The following HERC2 variants were observed in gnomAD, a reference collection of about 807,000 sequenced individuals.
HERC2 encodes E3 ubiquitin-protein ligase HERC2.
Under a neutral mutation model 537.7 loss-of-function variants are expected in HERC2, and 102 were observed. The observed-to-expected ratio is 0.19, with a 90% CI of 0.16 to 0.22. HERC2 has a LOEUF of 0.22. HERC2 is among the 10% of genes least tolerant of loss of function. The pLI, the probability that HERC2 is intolerant of heterozygous loss-of-function variation, is 1.00. For missense variants in HERC2, 4,236 were observed against 6,198.2 expected (o/e 0.68, Z 10.63); for synonymous variants, 2,224 against 2,466.2 (o/e 0.90, Z 2.91).
intron 86 of HERC2, chr15:28,117,676 C>T: frequency 2.5e-6 from 1 of 396,488 alleles, no homozygotes; most frequent in Admixed American, 2.7e-5. Context: ...CCAGGACCAG[C>T]CCTTCCCCAC....
Position 28,237,151 on chromosome 15 carries a change from G to C in HERC2, c.3853-38C>G, listed in dbSNP as rs750825441. 45 of 1,517,146 alleles carry C rather than the reference G, an allele frequency of 3.0e-5. No individual in the cohort carries two copies. In the African/African-American group the frequency reaches 5.9e-4, roughly 20 times the overall value. 94.0% of individuals were successfully genotyped at this position (1,517,146 alleles called of 1,614,324 possible). A position where few individuals can be genotyped will look rare whatever the true frequency, so the allele number is the denominator to read the frequency against. On this transcript the variant is annotated intron_variant, in intron 25 of 92. Transcript: ENST00000261609. ...ATTTCATCATCAATCTGAGGAAACAGAATTAATTAAAAACATAAAACCAAA... is the reference window on the plus strand; with the variant it reads ...ATTTCATCATCAATCTGAGGAAACACAATTAATTAAAAACATAAAACCAAA...
At chr15:28,318,185 A>G (rs1355601994) in intron 2 of HERC2, among the ~76,000 whole-genome samples, 1 of 152,158 alleles carries the variant, frequency 6.6e-6, no homozygotes, top group Non-Finnish European at 1.5e-5. Flanking sequence ...TTTGCTAAAA[A>G]ACTACCAATC....
intron 86 of HERC2, among the ~76,000 whole-genome samples, chr15:28,120,285 A>G (rs6497271): frequency 0.85 from 128,689 of 152,268 alleles, 58,036 homozygotes; most frequent in Non-Finnish European, 0.99. Flanking sequence ...CTGTCCAACA[A>G]AGGACAAGAG....
At chr15:28,247,385 C>T (rs1458931602) in intron 21 of HERC2, among the ~76,000 whole-genome samples, 1 of 148,904 alleles carries the variant, frequency 6.7e-6, no homozygotes, top group Non-Finnish European at 1.5e-5. Context: ...CACTTTTCTG[C>T]TCCATAAAAT....
chr15:28,198,934 G>A (rs1897624246), intron 48 of HERC2, among the ~76,000 whole-genome samples, 165 bp from the exon 49 acceptor site: 1 of 152,110 alleles, frequency 6.6e-6, no homozygotes, highest in Non-Finnish European at 1.5e-5. Flanking sequence ...GATCACTTGA[G>A]CTCAGGTGTT....
intron 56 of HERC2, among the ~76,000 whole-genome samples, chr15:28,184,006 G>A (rs886517812): frequency 1.3e-5 from 2 of 151,618 alleles, no homozygotes; most frequent in Non-Finnish European, 2.9e-5. Flanking sequence ...TGGGCAACAC[G>A]GTGAAACCTC....
intron 71 of HERC2, among the ~76,000 whole-genome samples, chr15:28,145,723 G>A (rs1305869498): frequency 6.6e-6 from 1 of 152,142 alleles, no homozygotes; most frequent in Non-Finnish European, 1.5e-5. Flanking sequence ...ACACACCCCT[G>A]CACTGCCAAT....
intron 2 of HERC2, chr15:28,315,692 C>T (rs2077063185): frequency 7.5e-6 from 6 of 799,784 alleles, no homozygotes; most frequent in South Asian, 5.6e-5. Context: ...ACCTCTGCGC[C>T]ATGAGAGCCA....
At chr15:28,179,702 C>T (rs1238852024) in intron 57 of HERC2, among the ~76,000 whole-genome samples, 2 of 152,222 alleles carry the variant, frequency 1.3e-5, no homozygotes, top group East Asian at 1.9e-4. Flanking sequence ...CAGGAAAGGA[C>T]AGCTAGCTCC....
At position 28,194,386 on chromosome 15, in the gene HERC2, C is replaced by T. The variant is rs200836800; in HGVS notation, c.8260+1829G>A. On this transcript the variant is annotated intron_variant, in intron 52 of 92. Transcript: ENST00000261609. Reference sequence around the variant, plus strand: ...GAGATCGAGACCATCCTGGCTAACACGGTGAAACCCCATCTCTACTAAAAA... The same window carrying T: ...GAGATCGAGACCATCCTGGCTAACATGGTGAAACCCCATCTCTACTAAAAA... Among the ~76,000 whole-genome samples, 8 of 148,506 alleles carry T rather than the reference C, an allele frequency of 5.4e-5. No individual in the cohort carries two copies. In the East Asian group the frequency reaches 6.3e-4, roughly 12 times the overall value.
chr15:28,152,668 C>T lies in HERC2; in HGVS notation c.10900+9G>A. The T allele has an allele frequency of 6.5e-6, 10 of 1,543,278 alleles. No homozygotes were observed. Among genetic ancestry groups the T allele is most frequent in the Non-Finnish European group, 8.8e-6 (10 of 1,142,084 alleles). ...GGCTGCAGCTCCCCGCTGGGGCCAG[C>T]CCCTGTACCTGGTATCTTCACTGTG... is the stretch of plus-strand genomic sequence containing the variant. On this transcript the variant is annotated intron_variant, in intron 70 of 92. Transcript: ENST00000261609.
At position 28,202,154 on chromosome 15, in the gene HERC2, C is replaced by G; in HGVS notation, c.7576G>C (p.Glu2526Gln). 4.4e-6 allele frequency: 7 copies of G among 1,578,816 alleles called. No individual in the cohort carries two copies. The South Asian group carries it at 6.7e-5, about 15-fold the overall frequency. The part of the protein sequence containing the change: ...ADTVSDEYSD[E>Q]EVVEDVDDAA... ...TCATCCACGTCCTCCACCACCTCCTCGTCAGAATACTCGTCGGACACCGTG... is the reference window on the plus strand; with the variant it reads ...TCATCCACGTCCTCCACCACCTCCTGGTCAGAATACTCGTCGGACACCGTG... The change falls in exon 47 of 93, where the codon GAG becomes CAG. Residue 2526 changes from glutamate to glutamine, a missense_variant. Transcript: ENST00000261609.
chr15:28,246,056 A>G lies in HERC2; in HGVS notation c.3402T>C (p.Leu1134=), dbSNP rs1057366628. 4 of 1,596,822 alleles carry G rather than the reference A, an allele frequency of 2.5e-6. No homozygotes were observed. Among genetic ancestry groups the G allele is most frequent in the Non-Finnish European group, 8.6e-7 (1 of 1,168,656 alleles). The change falls in exon 23 of 93, where the codon CTT becomes CTC. Residue 1134 remains leucine, a synonymous_variant. Transcript: ENST00000261609. ...GCACTATAGAAACTACTAGTTCTGG[A>G]AGGAGAACACCTACATTTAAGAAAT... ...IVEGDFTGVL[L]PELVVSIVLL...
At chr15:28,321,103 T>C (rs1394723464) in intron 2 of HERC2, among the ~76,000 whole-genome samples, 10 of 152,084 alleles carry the variant, frequency 6.6e-5, no homozygotes, top group African/African-American at 2.4e-4. Context: ...CCAGTAATAA[T>C]AAATAGGAAA....
In HERC2 at chr15:28,149,624, C is replaced by A. The variant is rs149219304; in HGVS notation, c.10900+3053G>T. Among the ~76,000 whole-genome samples, 427 of 150,566 alleles carry A rather than the reference C, an allele frequency of 2.8e-3. 3 individuals are homozygous for A. Among genetic ancestry groups the A allele is most frequent in the Middle Eastern group, 7.1e-3 (2 of 282 alleles). ...TCCTAACCGAGAACATCACCGAGAA[C>A]GGCTGCACGAACGTACATTCTAGTA... On this transcript the variant is annotated intron_variant, in intron 70 of 92. Coordinates refer to ENST00000261609, the MANE Select transcript of HERC2 (RefSeq NM_004667.6).
chr15:28,112,069 G>C (rs527738539), intron 92 of HERC2, 34 bp from the exon 93 acceptor site: 6 of 1,603,952 alleles, frequency 3.7e-6, no homozygotes, highest in East Asian at 4.5e-5. Context: ...ATTAGAAATT[G>C]AGTACGGCTG....
In HERC2 at chr15:28,213,965, A is replaced by G. The variant is rs774482110; in HGVS notation, c.6563T>C (p.Leu2188Ser). ...CTCGGAGTCGGGGAAGTAGTCCTCT[A>G]ACTGGGCCTAGTGCAGACCAAACAG... The part of the protein sequence containing the change: ...FVGRPSEGAQ[L>S]EDYFPDSENP... Residue 2188 changes from leucine to serine, a missense_variant, in exon 42 of 93, where the codon TTA becomes TCA. Leu to Ser is a moderately radical substitution (Grantham distance 145). Coordinates refer to ENST00000261609, the MANE Select transcript of HERC2 (RefSeq NM_004667.6). 3 of 1,613,774 alleles carry G rather than the reference A, an allele frequency of 1.9e-6. No individual in the cohort carries two copies. Among genetic ancestry groups the G allele is most frequent in the Admixed American group, 1.7e-5 (1 of 59,988 alleles).
intron 83 of HERC2, among the ~76,000 whole-genome samples, chr15:28,125,868 T>G (rs1442794467): frequency 6.6e-6 from 1 of 152,168 alleles, no homozygotes; most frequent in East Asian, 1.9e-4. Flanking sequence ...TGGAATGCAG[T>G]GGTGCGATCT....
In HERC2 at chr15:28,124,342, A is replaced by G. The variant is rs913461193; in HGVS notation, c.12991-108T>C. ...ACAATTGTTTCAAATACAGAGAAGC[A>G]CTATGGTGTCTGAGTTTGGTTTGCA... On this transcript the variant is annotated intron_variant, in intron 84 of 92. Coordinates refer to ENST00000261609, the MANE Select transcript of HERC2 (RefSeq NM_004667.6). The G allele has an allele frequency of 2.4e-5, 16 of 674,892 alleles. No homozygotes were observed. The African/African-American group carries it at 2.8e-4, about 12-fold the overall frequency. 41.8% of individuals were successfully genotyped at this position (674,892 alleles called of 1,614,324 possible).
Sources: gnomAD v4.1 joint callset for allele counts (sites outside exome capture counted in the v4.1 genomes callset) on GRCh38, gnomAD v4.1.1 for gene constraint, MANE v1.5 for transcripts, NCBI Gene and HGNC (gene_info 2026-07-23, HGNC 2026-07-21) for gene names.